DNAH17: variants seen among roughly 807,000 people sequenced by gnomAD.
DNAH17 encodes axonemal beta dynein heavy chain 17.
In DNAH17, 376 loss-of-function variants were observed where a neutral mutation model predicts 485.6. The observed-to-expected ratio is 0.77, with a 90% CI of 0.71 to 0.84. DNAH17 has a LOEUF of 0.84. DNAH17 is among the 40% of genes least tolerant of loss of function. The pLI is 0.00. For synonymous variants in DNAH17, 3,031 were observed against 2,405.9 expected (o/e 1.26, Z -7.60); for missense variants, 6,370 against 5,839.3 (o/e 1.09, Z -2.96).
At chr17:78,490,319 C>G (rs934777774) in intron 44 of DNAH17, among the ~76,000 whole-genome samples, 1 of 152,214 alleles carries the variant, frequency 6.6e-6, no homozygotes, top group Non-Finnish European at 1.5e-5. Context: ...CCTGTGAACG[C>G]GGGTTCTTGT....
intron 30 of DNAH17, 131 bp from the exon 31 acceptor site, chr17:78,505,576 A>C (rs1350199095): frequency 8.7e-7 from 1 of 1,150,040 alleles, no homozygotes; most frequent in Non-Finnish European, 1.2e-6. Flanking sequence ...ATCAACGTTG[A>C]CTAAACATGA....
chr17:78,440,948 G>A (rs1436676537), intron 72 of DNAH17, 103 bp downstream of exon 72: 2 of 1,385,340 alleles, frequency 1.4e-6, no homozygotes, highest in African/African-American at 2.9e-5. Context: ...CGCGTCTTGG[G>A]TGTGAAGTGG....
rs1555666388 is a variant in DNAH17 at position 78,475,835 on chromosome 17, T to A, written c.8155-2A>T. 1.9e-6 allele frequency: 3 copies of A among 1,602,786 alleles called. No homozygotes were observed. The highest frequency in any genetic ancestry group is 3.5e-5 in the Admixed American group (2 of 56,764). ...AAATAAGAGTTCATCACCAAGATCC[T>A]AGAAAAAGAAAAAAAAAGACGATAC... On this transcript the variant is annotated splice_acceptor_variant, in intron 52 of 80. Coordinates refer to ENST00000389840, the MANE Select transcript of DNAH17 (RefSeq NM_173628.4). LOFTEE classifies it high-confidence loss of function.
intron 70 of DNAH17, 40 bp downstream of exon 70, chr17:78,445,518 C>A: frequency 1.3e-6 from 2 of 1,549,384 alleles, no homozygotes; most frequent in Non-Finnish European, 1.7e-6. Flanking sequence ...GGCTCCACGG[C>A]GGGGAGAAAG....
rs746673624 is a variant in DNAH17, at chr17:78,468,803, G to C, written c.8592C>G (p.Ala2864=). Residue 2864 remains alanine, a synonymous_variant, in exon 55 of 81, where the codon GCC becomes GCG. Coordinates refer to ENST00000389840, the MANE Select transcript of DNAH17 (RefSeq NM_173628.4). ...SVFLMTDSQV[A]EEQFLVLIND... ...TGATCAGCACCAGAAACTGCTCCTCGGCCACCTGGGAGTCTGTCATCAGGA... is the reference window on the plus strand; with the variant it reads ...TGATCAGCACCAGAAACTGCTCCTCCGCCACCTGGGAGTCTGTCATCAGGA... 2.5e-6 allele frequency: 4 copies of C among 1,613,978 alleles called. No homozygotes were observed. Among genetic ancestry groups the C allele is most frequent in the South Asian group, 1.1e-5 (1 of 91,080 alleles).
chr17:78,496,039 G>A lies in DNAH17; in HGVS notation c.5746-7C>T, dbSNP rs762884524. 40 of 1,610,272 alleles carry A rather than the reference G, an allele frequency of 2.5e-5. No homozygotes were observed. The highest frequency in any genetic ancestry group is 5.0e-5 in the Admixed American group (3 of 59,864). On this transcript the variant is annotated splice_polypyrimidine_tract_variant and splice_region_variant and intron_variant, in intron 37 of 80. Coordinates refer to ENST00000389840, the MANE Select transcript of DNAH17 (RefSeq NM_173628.4). ...CATCCTGGACACATTTTACCTGCAC[G>A]GTTGGTGACACAGACATGTTAGCAT... is the stretch of plus-strand genomic sequence containing the variant.
intron 18 of DNAH17, 33 bp from the exon 19 acceptor site, chr17:78,537,514 A>T (rs751228675): frequency 6.2e-7 from 1 of 1,605,160 alleles, no homozygotes; most frequent in South Asian, 1.1e-5. Flanking sequence ...AGTGGTCAAC[A>T]CCTCTGTCCT....
intron 78 of DNAH17, 125 bp from the exon 79 acceptor site, chr17:78,426,725 A>C (rs1381474962): frequency 2.9e-6 from 4 of 1,392,416 alleles, no homozygotes; most frequent in East Asian, 2.3e-5. Context: ...GACGCCCTGC[A>C]TCAGGGCCAC....
Position 78,543,952 on chromosome 17 carries a change from C to G in DNAH17, c.2437G>C (p.Glu813Gln). ...PLFERKDNKK[E>Q]ALLDLDGRIA... Reference sequence around the variant, plus strand: ...CTTCCATCCAAGTCTAACAGGGCCTCTTTCTTATTGTCCTTTCTTTCAAAC... The same window carrying G: ...CTTCCATCCAAGTCTAACAGGGCCTGTTTCTTATTGTCCTTTCTTTCAAAC... The change falls in exon 17 of 81, where the codon GAG (glutamate) becomes CAG (glutamine). Residue 813 changes from glutamate (E) to glutamine (Q), a missense_variant. By Grantham distance (29) the Glu-to-Gln change is conservative. Transcript: ENST00000389840. 1.2e-6 allele frequency: 2 copies of G among 1,614,044 alleles called. No individual in the cohort carries two copies. Among genetic ancestry groups the G allele is most frequent in the Non-Finnish European group, 1.7e-6 (2 of 1,179,888 alleles).
Position 78,437,736 on chromosome 17 carries a change from GGAT to G in DNAH17, c.11935_11937del (p.Ile3979del). On this transcript the variant is annotated inframe_deletion, in exon 74 of 81. Coordinates refer to ENST00000389840, the MANE Select transcript of DNAH17 (RefSeq NM_173628.4). Reference sequence around the variant, plus strand: ...ATGGCGTTCTCCAGAATGCCCTGGGGGATGATGTGGGTCTCGGGGCTGGGGGCA... The same window carrying G: ...ATGGCGTTCTCCAGAATGCCCTGGGGGATGTGGGTCTCGGGGCTGGGGGCA... 2 of 1,612,632 alleles carry G rather than the reference GGAT, an allele frequency of 1.2e-6. No individual in the cohort carries two copies. The highest frequency in any genetic ancestry group is 1.7e-6 in the Non-Finnish European group (2 of 1,179,772).
Position 78,455,722 on chromosome 17 carries a change from G to C in DNAH17, c.10092C>G (p.Ser3364=), listed in dbSNP as rs748760346. The part of the protein sequence containing the change: ...GDVLLISAFV[S]YVGYFTKKYR... ...ATTTCTTGGTGAAGTAGCCCACGTA[G>C]GACACGAAGGCAGAGATGAGCAGGA... The change falls in exon 63 of 81, where the codon TCC becomes TCG. Residue 3364 remains serine (S), a synonymous_variant. Transcript: ENST00000389840. 6.2e-7 allele frequency: 1 copy of C among 1,609,194 alleles called. No individual in the cohort carries two copies. Among genetic ancestry groups the C allele is most frequent in the Non-Finnish European group, 8.5e-7 (1 of 1,178,004 alleles).
Position 78,539,835 on chromosome 17 carries a change from T to A in DNAH17, c.2578A>T (p.Lys860Ter), listed in dbSNP as rs539671696. The A allele has an allele frequency of 6.2e-7, 1 of 1,611,216 alleles. No individual in the cohort carries two copies. The highest frequency in any genetic ancestry group is 1.3e-5 in the African/African-American group (1 of 74,966). Residue 860 changes from lysine to a stop codon, truncating the protein, a stop_gained, in exon 18 of 81, where the codon AAG (lysine) becomes TAG (stop). Coordinates refer to ENST00000389840, the MANE Select transcript of DNAH17 (RefSeq NM_173628.4). LOFTEE classifies it high-confidence loss of function. ...FRADTLSLPW[K>*]DYVIYIDDMV... The stretch of plus-strand genomic sequence containing the variant: ...TCGTCAATGTAGATGACATAATCCT[T>A]CCAGGGCAGGCTCAGTGTGTCTGCC...
chr17:78,455,629 G>A lies in DNAH17; in HGVS notation c.10170+15C>T, dbSNP rs1334156250. The A allele has an allele frequency of 3.3e-6, 5 of 1,524,510 alleles. 1 individual carries two copies. Among genetic ancestry groups the A allele is most frequent in the South Asian group, 2.5e-5 (2 of 80,374 alleles). The allele number at this position is 1,524,510 out of a possible 1,614,324, so 94.4% of individuals were successfully genotyped here. On this transcript the variant is annotated intron_variant, in intron 63 of 80. Transcript: ENST00000389840. ...GGCGTGAGCCACCGCGCCTGGCCAG[G>A]ACTCCACTCCTTACCTTTAAGTTAT...
chr17:78,574,286 C>T (rs2092402503), intron 2 of DNAH17, among the ~76,000 whole-genome samples: 1 of 152,044 alleles, frequency 6.6e-6, no homozygotes. Flanking sequence ...GCCCAGGAGT[C>T]TTGAGACCAG....
intron 75 of DNAH17, among the ~76,000 whole-genome samples, chr17:78,431,492 C>T (rs2086672968): frequency 6.6e-6 from 1 of 150,510 alleles, no homozygotes; most frequent in Admixed American, 6.7e-5. Context: ...CTCTCAGGCC[C>T]CTCCCTGGGA....
In DNAH17 at chr17:78,490,734, G is replaced by A. The variant is rs759339497; in HGVS notation, c.6783C>T (p.Ile2261=). 5.0e-6 allele frequency: 8 copies of A among 1,607,960 alleles called. No individual in the cohort carries two copies. The highest frequency in any genetic ancestry group is 3.3e-5 in the South Asian group (3 of 89,698). Residue 2261 remains isoleucine, a synonymous_variant, in exon 44 of 81, where the codon ATC becomes ATT. Coordinates refer to ENST00000389840, the MANE Select transcript of DNAH17 (RefSeq NM_173628.4). ...ATPATVSRAG[I]LYINPADLGW... ...CCAGGTCGGCTGGGTTGATGTAGAG[G>A]ATGCCGGCTCTGGAAACGGTGGCTG...
intron 75 of DNAH17, among the ~76,000 whole-genome samples, chr17:78,430,000 G>C (rs1001418758): frequency 6.6e-6 from 1 of 152,138 alleles, no homozygotes; most frequent in Non-Finnish European, 1.5e-5. Context: ...GTGTGGACCA[G>C]AGCACACGCC....
chr17:78,424,233 C>T (rs2086289422), intron 80 of DNAH17, 80 bp from the exon 81 acceptor site: 2 of 1,507,428 alleles, frequency 1.3e-6, no homozygotes, highest in South Asian at 1.3e-5. Context: ...GGGGTCCTCA[C>T]ACTCCCCGCC....
Position 78,499,009 on chromosome 17 carries a change from T to C in DNAH17, c.5744A>G (p.Gln1915Arg). The C allele has an allele frequency of 1.2e-6, 2 of 1,606,918 alleles. No individual in the cohort carries two copies. The highest frequency in any genetic ancestry group is 1.1e-5 in the South Asian group (1 of 89,758). ...GAGGCCGCAGGCAGGGGACTTTACC[T>C]GCACGGCAATCACAGACAAGACTTC... ...SVEVLSVIAV[Q>R]VKCVQDAIRA... is the part of the protein sequence containing the mutation. The change falls in exon 37 of 81, where the codon CAG becomes CGG. Residue 1915 changes from glutamine to arginine, a missense_variant and splice_region_variant. Physicochemically the swap from Gln to Arg is conservative, Grantham distance 43. Transcript: ENST00000389840.
Sources: gnomAD v4.1 joint callset for allele counts (sites outside exome capture counted in the v4.1 genomes callset) on GRCh38, gnomAD v4.1.1 for gene constraint, MANE v1.5 for transcripts, NCBI Gene and HGNC (gene_info 2026-07-23, HGNC 2026-07-21) for gene names.